CFAP61: variants seen among roughly 807,000 people sequenced by gnomAD.
CFAP61 encodes cilia- and flagella-associated protein 61.
A neutral mutation model predicts 135.6 loss-of-function variants in CFAP61; 107 were observed. The observed-to-expected ratio is 0.79, with a 90% confidence interval of 0.67 to 0.93. The LOEUF (loss-of-function observed/expected upper bound fraction) is 0.93. CFAP61 is among the 40% of genes least tolerant of loss of function. The pLI is 0.00. For synonymous variants in CFAP61, 575 were observed against 578.5 expected, an observed-to-expected ratio of 0.99 and a Z score of 0.09; for missense variants, 1,507 against 1,556.2, an observed-to-expected ratio of 0.97 and a Z score of 0.53.
rs1248998376 is a variant in CFAP61 at position 20,056,718 on chromosome 20, A to G, written c.65A>G (p.Gln22Arg). 6.2e-6 allele frequency: 10 copies of G among 1,614,072 alleles called. No individual in the cohort carries two copies. The highest frequency in any genetic ancestry group is 7.6e-6 in the Non-Finnish European group (9 of 1,179,898). ...GTTCATTGCCGAAGAACAGAATCAC[A>G]GGATGTTTATTGTATCAAAAGCCTT... The part of the protein sequence containing the change: ...EVVHCRRTES[Q>R]DVYCIKSLIR... Residue 22 changes from glutamine to arginine, a missense_variant, in exon 2 of 27, where the codon CAG (glutamine) becomes CGG (arginine). Physicochemically the swap from Gln to Arg is conservative, Grantham distance 43 (BLOSUM62 1). Coordinates refer to ENST00000245957, the MANE Select transcript of CFAP61 (RefSeq NM_015585.4).
At chr20:20,207,319 A>G (rs564985709) in intron 17 of CFAP61, among the ~76,000 whole-genome samples, 1 of 152,366 alleles carries the variant, frequency 6.6e-6, no homozygotes, top group African/African-American at 2.4e-5. Flanking sequence ...TGCTTCCAAC[A>G]GAAAAGAAAA....
chr20:20,309,552 G>C (rs2056693418), intron 25 of CFAP61, among the ~76,000 whole-genome samples: 1 of 152,154 alleles, frequency 6.6e-6, no homozygotes, highest in Non-Finnish European at 1.5e-5. Flanking sequence ...CAAGACAGTG[G>C]CACCAATAGG....
chr20:20,262,804 GT>G (rs397865640), intron 20 of CFAP61, 151 bp from the exon 21 acceptor site: 11,404 of 141,446 alleles, frequency 0.081, 16 homozygotes, highest in East Asian at 0.14. Flanking sequence ...CTGTTTTTGT[GT>G]TTTTTTTTTT....
At chr20:20,255,401 C>T (rs1177030561) in intron 20 of CFAP61, among the ~76,000 whole-genome samples, 1 of 152,146 alleles carries the variant, frequency 6.6e-6, no homozygotes, top group Non-Finnish European at 1.5e-5. Context: ...ATGGACTGTT[C>T]ATGGGTCGGG....
rs570659139 is a variant in CFAP61 at position 20,181,217 on chromosome 20, A to T, written c.1386-6713A>T. Among the ~76,000 whole-genome samples the T allele has an allele frequency of 9.4e-5, 8 of 85,304 alleles. No homozygotes were observed. The East Asian group carries it at 2.0e-3, about 22-fold the overall frequency. The allele number at this position is 85,304 out of a possible 152,430, so 56.0% of individuals were successfully genotyped here. A position where few individuals can be genotyped will look rare whatever the true frequency, so the allele number is the denominator to read the frequency against. ...TATGTATATATATGTATATATACAT[A>T]TGTGTATATATATAACTTTTATGTG... On this transcript the variant is annotated intron_variant, in intron 13 of 26. Coordinates refer to ENST00000245957, the MANE Select transcript of CFAP61 (RefSeq NM_015585.4).
At chr20:20,052,716 T>C in intron 1 of CFAP61, 125 bp downstream of exon 1, 1 of 1,608,686 alleles carries the variant, frequency 6.2e-7, no homozygotes, top group Non-Finnish European at 8.5e-7. Flanking sequence ...TGTCGAGCCG[T>C]GGCGCCCTGC....
chr20:20,348,718 A>AG (rs1399363317), intron 26 of CFAP61, among the ~76,000 whole-genome samples: 1 of 149,256 alleles, frequency 6.7e-6, no homozygotes, highest in South Asian at 2.1e-4. Context: ...AAAAGAACAA[A>AG]GGGGAAAAAA....
rs1234194543 is a variant in CFAP61, at chr20:20,123,358, A to G, written c.860-19499A>G. Among the ~76,000 whole-genome samples, 4 of 151,708 alleles carry G rather than the reference A, an allele frequency of 2.6e-5. 1 individual carries two copies. Among genetic ancestry groups the G allele is most frequent in the African/African-American group, 7.3e-5 (3 of 41,026 alleles). On this transcript the variant is annotated intron_variant, in intron 8 of 26. Transcript: ENST00000245957. ...GAAATCCTTGCCTAAGCCAATGTCTAGAAGGGTTTTTCCAGTGTTATCTTC... is the reference window on the plus strand; with the variant it reads ...GAAATCCTTGCCTAAGCCAATGTCTGGAAGGGTTTTTCCAGTGTTATCTTC...
rs2046057638 is a variant in CFAP61 at position 20,076,467 on chromosome 20, A to G, written c.566+852A>G. Among the ~76,000 whole-genome samples, 2 of 152,196 alleles carry G rather than the reference A, an allele frequency of 1.3e-5. 1 individual carries two copies. The highest frequency in any genetic ancestry group is 4.1e-4 in the South Asian group (2 of 4,824). Reference sequence around the variant, plus strand: ...GGAGAGCCCCATATATCTACAGCACAGCTGACATCTGATCGCAGCCACATG... The same window carrying G: ...GGAGAGCCCCATATATCTACAGCACGGCTGACATCTGATCGCAGCCACATG... On this transcript the variant is annotated intron_variant, in intron 6 of 26. Transcript: ENST00000245957.
chr20:20,166,635 C>G (rs2053855769), intron 12 of CFAP61, among the ~76,000 whole-genome samples, 199 bp downstream of exon 12: 1 of 152,126 alleles, frequency 6.6e-6, no homozygotes, highest in Non-Finnish European at 1.5e-5. Flanking sequence ...TTTAGCAGTT[C>G]TCTTTAAATG....
intron 7 of CFAP61, among the ~76,000 whole-genome samples, 156 bp from the exon 8 acceptor site, chr20:20,098,499 C>T (rs2047750158): frequency 6.8e-6 from 1 of 147,374 alleles, no homozygotes; most frequent in Non-Finnish European, 1.5e-5. Context: ...AGTCCCAGCT[C>T]TGCGGGAGGC....
Position 20,085,131 on chromosome 20 carries a change from G to A in CFAP61, c.567-5713G>A, listed in dbSNP as rs977219138. 21 of 985,256 alleles carry A rather than the reference G, an allele frequency of 2.1e-5. No homozygotes were observed. In the Admixed American group the frequency reaches 6.1e-4, roughly 29 times the overall value. The allele number at this position is 985,256 out of a possible 1,614,324, so 61.0% of individuals were successfully genotyped here. ...GATCTATAAACTCCGCATCTTCATC[G>A]CCACTGGAACACTGTGCGGCCTGTC... On this transcript the variant is annotated intron_variant, in intron 6 of 26. Transcript: ENST00000245957.
chr20:20,287,475 T>C (rs964732558), intron 22 of CFAP61, among the ~76,000 whole-genome samples: 1 of 152,236 alleles, frequency 6.6e-6, no homozygotes, highest in Non-Finnish European at 1.5e-5. Context: ...TTGTATTTAA[T>C]TTAAATTAAT....
intron 18 of CFAP61, among the ~76,000 whole-genome samples, chr20:20,244,102 C>T (rs973648548): frequency 6.6e-6 from 1 of 152,194 alleles, no homozygotes; most frequent in African/African-American, 2.4e-5. Flanking sequence ...CAGCCTCCCT[C>T]CTGGCTGTTT....
At chr20:20,231,926 GT>G (rs1485605626) in intron 18 of CFAP61, among the ~76,000 whole-genome samples, 2 of 152,116 alleles carry the variant, frequency 1.3e-5, no homozygotes, top group East Asian at 3.9e-4. Context: ...TGATTGGTGG[GT>G]TGTGTTCATT....
At chr20:20,059,163 AC>A (rs1600333201) in intron 2 of CFAP61, among the ~76,000 whole-genome samples, 1 of 151,834 alleles carries the variant, frequency 6.6e-6, no homozygotes, top group African/African-American at 2.4e-5. Flanking sequence ...CCCCATCTCT[AC>A]TAAAAATACA....
At chr20:20,300,598 GT>G (rs1275064291) in intron 25 of CFAP61, among the ~76,000 whole-genome samples, 1 of 148,834 alleles carries the variant, frequency 6.7e-6, no homozygotes, top group Non-Finnish European at 1.5e-5. Context: ...GGGTTCTTTT[GT>G]TTTTTTTGTT....
intron 6 of CFAP61, among the ~76,000 whole-genome samples, chr20:20,077,412 A>G (rs2146583318): frequency 6.6e-6 from 1 of 152,310 alleles, no homozygotes; most frequent in Admixed American, 6.5e-5. Flanking sequence ...AGAAACCAAG[A>G]TCATGGAGAT....
chr20:20,199,131 A>G (rs1332772391), intron 16 of CFAP61, among the ~76,000 whole-genome samples: 1 of 152,262 alleles, frequency 6.6e-6, no homozygotes, highest in Non-Finnish European at 1.5e-5. Context: ...TTCAATAAGT[A>G]TAAATCCAAC....
Sources: allele counts gnomAD v4.1 joint callset (sites outside exome capture counted in the v4.1 genomes callset), GRCh38; gene constraint gnomAD v4.1.1; transcripts MANE v1.5; gene names NCBI Gene and HGNC (gene_info 2026-07-23, HGNC 2026-07-21).